ARMC3: variants seen among roughly 807,000 people sequenced by gnomAD.
ARMC3 encodes armadillo repeat-containing protein 3.
Under a neutral mutation model 90.3 loss-of-function variants are expected in ARMC3, and 74 were observed. The ratio of observed to expected loss-of-function variants is 0.82; its 90% CI spans 0.68 to 0.99. The LOEUF (loss-of-function observed/expected upper bound fraction) is 0.99, where lower values mean the gene tolerates loss of function less well. Among genes scored for constraint, ARMC3 ranks in the 50% least tolerant of loss-of-function variants. The probability of loss-of-function intolerance (pLI) is 0.00; values close to 1 mark genes in which losing one functional copy is unlikely to be tolerated. For missense variants in ARMC3, 958 were observed against 1,042.8 expected (o/e 0.92, Z 1.12); for synonymous variants, 334 against 361.8 (o/e 0.92, Z 0.87).
At chr10:23,032,337 G>T (rs1838950976) in intron 17 of ARMC3, among the ~76,000 whole-genome samples, 12 of 151,896 alleles carry the variant, frequency 7.9e-5, no homozygotes, top group Admixed American at 7.9e-4. Context: ...GTCACACCAT[G>T]TCTTTCTCTA....
At chr10:22,945,447 A>G (rs984629831) in intron 2 of ARMC3, among the ~76,000 whole-genome samples, 3 of 152,244 alleles carry the variant, frequency 2.0e-5, no homozygotes, top group Non-Finnish European at 2.9e-5. Context: ...TATGCATTTC[A>G]ATAACACATG....
At chr10:23,016,293 C>T (rs1309038866) in intron 16 of ARMC3, among the ~76,000 whole-genome samples, 2 of 152,118 alleles carry the variant, frequency 1.3e-5, no homozygotes, top group African/African-American at 4.8e-5. Context: ...CCAGCCTTGT[C>T]CTAAAATTAT....
chr10:22,936,485 A>G (rs2448132), intron 2 of ARMC3, among the ~76,000 whole-genome samples: 28,695 of 152,116 alleles, frequency 0.19, 3,391 homozygotes, highest in East Asian at 0.46. Context: ...AAATATCTCT[A>G]GAAGCCTATG....
chr10:23,000,641 T>A (rs1837236583), intron 11 of ARMC3, among the ~76,000 whole-genome samples: 1 of 152,204 alleles, frequency 6.6e-6, no homozygotes, highest in South Asian at 2.1e-4. Context: ...ACATGTGGTG[T>A]TAGATTACTA....
intron 2 of ARMC3, among the ~76,000 whole-genome samples, chr10:22,942,998 T>C (rs1311101788): frequency 6.6e-6 from 1 of 152,170 alleles, no homozygotes; most frequent in Non-Finnish European, 1.5e-5. Flanking sequence ...AGTTCAAAAA[T>C]GGAAAATTAA....
At chr10:23,014,420 G>A (rs932404330) in intron 16 of ARMC3, 2 of 1,137,440 alleles carry the variant, frequency 1.8e-6, no homozygotes, top group African/African-American at 3.1e-5. Flanking sequence ...AACCCTTCTT[G>A]TCTTATGACT....
chr10:22,979,172 C>T (rs1370999742), intron 8 of ARMC3, among the ~76,000 whole-genome samples: 2 of 152,110 alleles, frequency 1.3e-5, no homozygotes, highest in African/African-American at 2.4e-5. Flanking sequence ...AGTAAGAAAA[C>T]GTCATGCTTT....
intron 16 of ARMC3, among the ~76,000 whole-genome samples, chr10:23,022,740 C>A (rs1838562658): frequency 6.6e-6 from 1 of 152,120 alleles, no homozygotes; most frequent in South Asian, 2.1e-4. Flanking sequence ...GATATCAAGG[C>A]AGCTGGGCAG....
chr10:23,012,571 C>T (rs1026041915), intron 16 of ARMC3, among the ~76,000 whole-genome samples: 8 of 152,080 alleles, frequency 5.3e-5, no homozygotes, highest in African/African-American at 1.9e-4. Context: ...CCGCAGCTCC[C>T]AAGCTCCCTC....
intron 8 of ARMC3, among the ~76,000 whole-genome samples, chr10:22,974,973 A>G (rs1025974839): frequency 2.6e-5 from 4 of 152,100 alleles, no homozygotes; most frequent in African/African-American, 2.4e-5. Context: ...CTGTCATTAC[A>G]TTCAATTTTA....
intron 17 of ARMC3, among the ~76,000 whole-genome samples, chr10:23,032,496 G>C (rs1169656613): frequency 1.3e-5 from 2 of 151,972 alleles, no homozygotes; most frequent in African/African-American, 4.8e-5. Flanking sequence ...TCCTTCCTTG[G>C]ATTTCAGATT....
intron 1 of ARMC3, among the ~76,000 whole-genome samples, chr10:22,929,767 TC>T (rs1387029821): frequency 1.3e-5 from 2 of 152,152 alleles, no homozygotes; most frequent in Non-Finnish European, 2.9e-5. Flanking sequence ...TCCAGGCTGG[TC>T]TTGAGCTCCT....
chr10:22,966,310 C>T (rs1438890929), intron 7 of ARMC3, among the ~76,000 whole-genome samples: 1 of 152,190 alleles, frequency 6.6e-6, no homozygotes, highest in Non-Finnish European at 1.5e-5. Flanking sequence ...CAGCATTCTG[C>T]CAAATGAGCT....
intron 3 of ARMC3, among the ~76,000 whole-genome samples, chr10:22,949,510 C>T (rs1588830405): frequency 6.6e-6 from 1 of 152,068 alleles, no homozygotes; most frequent in Non-Finnish European, 1.5e-5. Context: ...TTGGACATTG[C>T]AGAAGAAAAG....
Position 22,939,271 on chromosome 10 carries a change from A to G in ARMC3, c.49-6873A>G, listed in dbSNP as rs115285724. ...AGAGTACCAAAAAGAAGAGACCAAC[A>G]TACAGCAATAGCTCCAGAAATCCAG... is the stretch of plus-strand genomic sequence containing the variant. On this transcript the variant is annotated intron_variant, in intron 2 of 18. Transcript: ENST00000298032. Among the ~76,000 whole-genome samples, 122 of 152,326 alleles carry G rather than the reference A, an allele frequency of 8.0e-4. 1 individual carries two copies. The highest frequency in any genetic ancestry group is 2.9e-3 in the African/African-American group (119 of 41,580).
chr10:23,011,725 G>C (rs1220105811), intron 16 of ARMC3, among the ~76,000 whole-genome samples: 1 of 152,006 alleles, frequency 6.6e-6, no homozygotes, highest in Non-Finnish European at 1.5e-5. Context: ...TGTGACCTTG[G>C]TTTGCTAAGG....
At chr10:23,014,889 C>CAAAAAAA (rs779670823) in intron 16 of ARMC3, among the ~76,000 whole-genome samples, 1 of 63,094 alleles carries the variant, frequency 1.6e-5, no homozygotes, top group Admixed American at 1.7e-4. Context: ...ATAATCTGTA[C>CAAAAAAA]AAAAAAAAAA....
intron 3 of ARMC3, 56 bp downstream of exon 3, chr10:22,946,317 T>C: frequency 8.2e-7 from 1 of 1,222,376 alleles, no homozygotes. Context: ...AAATATTTAC[T>C]ACCTCTTGGG....
chr10:22,974,639 TG>T (rs869056771), intron 8 of ARMC3, among the ~76,000 whole-genome samples: 51 of 150,448 alleles, frequency 3.4e-4, no homozygotes, highest in East Asian at 7.8e-4. Flanking sequence ...TGTTTTTTTT[TG>T]TTTGTTTGTT....
Sources: allele counts gnomAD v4.1 joint callset (sites outside exome capture counted in the v4.1 genomes callset), GRCh38; gene constraint gnomAD v4.1.1; transcripts MANE v1.5; gene names NCBI Gene and HGNC (gene_info 2026-07-23, HGNC 2026-07-21).